FMNL2: variants seen among roughly 807,000 people sequenced by gnomAD.
FMNL2 encodes formin-like protein 2.
A neutral mutation model predicts 130.2 loss-of-function variants in FMNL2; 51 were observed. That is an observed-to-expected ratio of 0.39 (90% CI 0.31 to 0.49). The LOEUF is 0.49. Ranked by LOEUF, FMNL2 falls within the 20% of genes least tolerant of loss-of-function variation. The probability of loss-of-function intolerance (pLI) is 0.85; values close to 1 mark genes in which losing one functional copy is unlikely to be tolerated. For missense variants in FMNL2, 977 were observed against 1,316.2 expected, an observed-to-expected ratio of 0.74 and a Z score of 3.99; for synonymous variants, 465 against 467.1, an observed-to-expected ratio of 1.00 and a Z score of 0.06.
chr2:152,533,298 T>TATCC (rs1225605051), intron 2 of FMNL2, among the ~76,000 whole-genome samples: 9 of 152,218 alleles, frequency 5.9e-5, no homozygotes, highest in Admixed American at 2.0e-4. Context: ...TCTGTCTGTC[T>TATCC]ATCCATCCAT....
chr2:152,427,520 A>G (rs1020784277), intron 1 of FMNL2, among the ~76,000 whole-genome samples: 2 of 152,298 alleles, frequency 1.3e-5, no homozygotes, highest in South Asian at 4.1e-4. Flanking sequence ...ACTCCAGCCT[A>G]GGCGATAGAG....
chr2:152,626,659 C>G lies in FMNL2; in HGVS notation c.2097C>G (p.Ala699=). ...NKVTLLEANR[A]KNLAITLRKA... ...TGACATTACTAGAAGCAAACAGGGC[C>G]AAAAATCTTGCCATAACTTTAAGGA... Residue 699 remains alanine (A), a synonymous_variant, in exon 17 of 26, where the codon GCC becomes GCG. Transcript: ENST00000288670. 1 of 1,612,844 alleles carries G rather than the reference C, an allele frequency of 6.2e-7. No individual in the cohort carries two copies. The highest frequency in any genetic ancestry group is 8.5e-7 in the Non-Finnish European group (1 of 1,179,466).
chr2:152,474,890 G>A (rs1690063608), intron 1 of FMNL2, among the ~76,000 whole-genome samples: 1 of 152,120 alleles, frequency 6.6e-6, no homozygotes, highest in South Asian at 2.1e-4. Context: ...AAGGCATAAT[G>A]TTGTCTTATT....
Position 152,578,946 on chromosome 2 carries a change from T to C in FMNL2, c.764T>C (p.Leu255Pro). 4.3e-6 allele frequency: 7 copies of C among 1,613,298 alleles called. No individual in the cohort carries two copies. The highest frequency in any genetic ancestry group is 5.9e-6 in the Non-Finnish European group (7 of 1,179,500). Reference protein sequence around the residue: ...PHAVNEIALSLNNKNPRTKAL... With the variant: ...PHAVNEIALSPNNKNPRTKAL... The stretch of plus-strand genomic sequence containing the variant: ...GCTGTCAATGAGATTGCACTAAGCC[T>C]GAACAACAAGAATCCCAGGTAAGCT... Residue 255 changes from leucine to proline, a missense_variant, in exon 8 of 26, where the codon CTG (leucine) becomes CCG (proline). By Grantham distance (98) the Leu-to-Pro change is moderately conservative. Around this residue, in one of 4 missense-constraint regions of FMNL2, gnomAD observed 689 missense variants for 995.9 expected, o/e 0.69. Coordinates refer to ENST00000288670, the MANE Select transcript of FMNL2 (RefSeq NM_052905.4).
At chr2:152,383,699 C>G (rs1235346185) in intron 1 of FMNL2, among the ~76,000 whole-genome samples, 1 of 152,190 alleles carries the variant, frequency 6.6e-6, no homozygotes, top group Non-Finnish European at 1.5e-5. Context: ...AAAATTACCA[C>G]AGCAGCTAAC....
chr2:152,622,080 C>A (rs1449077413), intron 15 of FMNL2, among the ~76,000 whole-genome samples: 2 of 152,080 alleles, frequency 1.3e-5, no homozygotes, highest in Non-Finnish European at 2.9e-5. Flanking sequence ...AAGAAGAAGG[C>A]TTCCTTCCTC....
At chr2:152,383,963 T>TA (rs1684644031) in intron 1 of FMNL2, among the ~76,000 whole-genome samples, 1 of 152,238 alleles carries the variant, frequency 6.6e-6, no homozygotes, top group South Asian at 2.1e-4. Flanking sequence ...TCTCATCCCT[T>TA]ACATTTCTAG....
At chr2:152,423,926 A>G (rs916250088) in intron 1 of FMNL2, among the ~76,000 whole-genome samples, 33 of 152,044 alleles carry the variant, frequency 2.2e-4, no homozygotes. Context: ...AAATGGTTGT[A>G]TTATAGTTGG....
At chr2:152,463,353 G>C (rs1417171803) in intron 1 of FMNL2, among the ~76,000 whole-genome samples, 1 of 152,018 alleles carries the variant, frequency 6.6e-6, no homozygotes, top group African/African-American at 2.4e-5. Flanking sequence ...CCTTCTCTTG[G>C]TGATGAAGAA....
chr2:152,626,847 A>G (rs1382407668), intron 17 of FMNL2, 120 bp downstream of exon 17: 1 of 1,027,314 alleles, frequency 9.7e-7, no homozygotes, highest in Non-Finnish European at 1.4e-6. Flanking sequence ...AAGCTGGAGC[A>G]ATTTTTGATA....
intron 9 of FMNL2, among the ~76,000 whole-genome samples, chr2:152,602,087 G>T (rs1226472247): frequency 6.6e-6 from 1 of 152,176 alleles, no homozygotes; most frequent in African/African-American, 2.4e-5. Context: ...TTACAGTCTT[G>T]TCTAATGTGC....
At chr2:152,569,777 G>A (rs1412434069) in intron 6 of FMNL2, among the ~76,000 whole-genome samples, 1 of 151,412 alleles carries the variant, frequency 6.6e-6, no homozygotes, top group Non-Finnish European at 1.5e-5. Context: ...GGGAGGTCAA[G>A]GTGGGCAGAT....
intron 2 of FMNL2, among the ~76,000 whole-genome samples, chr2:152,540,470 C>T (rs1229158165): frequency 6.6e-6 from 1 of 151,816 alleles, no homozygotes; most frequent in Non-Finnish European, 1.5e-5. Context: ...TTAAAAGCAG[C>T]TTGATTGAGA....
At chr2:152,475,055 T>C (rs1298361779) in intron 1 of FMNL2, among the ~76,000 whole-genome samples, 1 of 152,244 alleles carries the variant, frequency 6.6e-6, no homozygotes, top group African/African-American at 2.4e-5. Context: ...TGTTTGCTTA[T>C]CTATAAAGGA....
At chr2:152,376,716 CTTCT>C (rs1684197065) in intron 1 of FMNL2, among the ~76,000 whole-genome samples, 1 of 152,194 alleles carries the variant, frequency 6.6e-6, no homozygotes, top group South Asian at 2.1e-4. Flanking sequence ...TCCTTTGGCT[CTTCT>C]TTATTCTCAG....
chr2:152,609,891 A>G (rs1426107132), intron 10 of FMNL2, among the ~76,000 whole-genome samples: 3 of 152,244 alleles, frequency 2.0e-5, no homozygotes, highest in African/African-American at 4.8e-5. Flanking sequence ...GGTGACAGCC[A>G]TGGAGGGAAA....
At chr2:152,360,674 A>G (rs1415652938) in intron 1 of FMNL2, among the ~76,000 whole-genome samples, 1 of 152,224 alleles carries the variant, frequency 6.6e-6, no homozygotes, top group Non-Finnish European at 1.5e-5. Context: ...CTGTATATTC[A>G]AAGGAAATCA....
At chr2:152,644,355 C>T (rs138235478) in intron 25 of FMNL2, among the ~76,000 whole-genome samples, 1 of 152,274 alleles carries the variant, frequency 6.6e-6, no homozygotes, top group East Asian at 1.9e-4. Flanking sequence ...CTCAGGAATG[C>T]GAAGTGCTCT....
At chr2:152,363,568 T>A (rs1008362444) in intron 1 of FMNL2, among the ~76,000 whole-genome samples, 4 of 152,016 alleles carry the variant, frequency 2.6e-5, no homozygotes, top group Admixed American at 1.3e-4. Flanking sequence ...TTTTCTTTTT[T>A]TTTTCCCCCC....
Sources: allele counts gnomAD v4.1 joint callset (sites outside exome capture counted in the v4.1 genomes callset), GRCh38; gene constraint gnomAD v4.1.1; regional missense constraint gnomAD v4.1.1; transcripts MANE v1.5; gene names NCBI Gene and HGNC (gene_info 2026-07-23, HGNC 2026-07-21).